The following TBL1XR1 variants were observed in gnomAD, a reference collection of about 807,000 sequenced individuals.
TBL1XR1 encodes the protein TBL1X/Y related 1, also known as F-box-like/WD repeat-containing protein TBL1XR1.
Under a neutral mutation model 66.9 loss-of-function variants are expected in TBL1XR1, and 5 were observed. The observed-to-expected ratio is 0.07, with a 90% CI of 0.04 to 0.16. The LOEUF is 0.16. Among genes scored for constraint, TBL1XR1 ranks in the 10% least tolerant of loss-of-function variants. TBL1XR1 has a pLI of 1.00. For synonymous variants in TBL1XR1, 210 were observed against 206.0 expected (o/e 1.02, Z -0.17); for missense variants, 238 against 623.2 (o/e 0.38, Z 6.58).
intron 1 of TBL1XR1, among the ~76,000 whole-genome samples, chr3:177,141,088 CTCAAAGCTT>C (rs1577291501): frequency 6.6e-6 from 1 of 152,270 alleles, no homozygotes; most frequent in East Asian, 1.9e-4. Context: ...CACTAATTTT[CTCAAAGCTT>C]TCAAATGAAA....
At chr3:177,147,501 T>C (rs1218451580) in intron 1 of TBL1XR1, among the ~76,000 whole-genome samples, 1 of 152,220 alleles carries the variant, frequency 6.6e-6, no homozygotes. Context: ...AAAGTACTTA[T>C]GATTATTAAA....
Position 177,020,565 on chromosome 3 carries a change from G to GT in TBL1XR1, c.*4932dup, listed in dbSNP as rs1483886244. On this transcript the variant is annotated 3_prime_UTR_variant, in exon 16 of 16. Transcript: ENST00000457928. ...CACCAGTATGGGAGAGAATGAATGT[G>GT]TTATAGGTTATGAAGGCTAACTTGG... 6.6e-6 allele frequency: 1 copy of GT among 152,060 alleles called. No homozygotes were observed. Among genetic ancestry groups the GT allele is most frequent in the African/African-American group, 2.4e-5 (1 of 41,410 alleles). The allele number at this position is 152,060 out of a possible 1,614,324, so 9.4% of individuals were successfully genotyped here.
chr3:177,165,295 T>G (rs1004119417), intron 1 of TBL1XR1, among the ~76,000 whole-genome samples: 1 of 152,144 alleles, frequency 6.6e-6, no homozygotes, highest in Non-Finnish European at 1.5e-5. Context: ...GGCACAAATC[T>G]AACAATATGG....
chr3:177,045,895 G>T (rs1320974502), intron 10 of TBL1XR1, among the ~76,000 whole-genome samples: 1 of 152,032 alleles, frequency 6.6e-6, no homozygotes, highest in Non-Finnish European at 1.5e-5. Flanking sequence ...ATTAAATAAT[G>T]CCACCTCTAA....
intron 1 of TBL1XR1, among the ~76,000 whole-genome samples, chr3:177,115,075 G>A (rs1726145278): frequency 6.6e-6 from 1 of 152,048 alleles, no homozygotes; most frequent in African/African-American, 2.4e-5. Flanking sequence ...TTGTCTTACT[G>A]CCACAGTGCC....
At chr3:177,164,004 G>A (rs529370765) in intron 1 of TBL1XR1, 13 of 152,258 alleles carry the variant, frequency 8.5e-5, no homozygotes, top group African/African-American at 3.1e-4. Flanking sequence ...ATACGTTCCT[G>A]AAAAGGAAAT....
intron 2 of TBL1XR1, among the ~76,000 whole-genome samples, chr3:177,071,179 C>T (rs1170969681): frequency 1.3e-5 from 2 of 151,814 alleles, no homozygotes; most frequent in South Asian, 4.2e-4. Flanking sequence ...TATAGGCACC[C>T]GCCACCGTGC....
intron 1 of TBL1XR1, among the ~76,000 whole-genome samples, chr3:177,191,375 A>C (rs923748213): frequency 6.6e-5 from 10 of 152,238 alleles, no homozygotes; most frequent in African/African-American, 2.4e-4. Flanking sequence ...TCATTCATTG[A>C]GAAGACAGAC....
chr3:177,186,948 C>A (rs982162675), intron 1 of TBL1XR1, among the ~76,000 whole-genome samples: 4 of 152,002 alleles, frequency 2.6e-5, no homozygotes, highest in Admixed American at 2.6e-4. Flanking sequence ...GGGCGGATCA[C>A]AAGGTCAGGA....
intron 2 of TBL1XR1, among the ~76,000 whole-genome samples, chr3:177,086,480 C>A (rs1394386118): frequency 1.3e-5 from 2 of 151,946 alleles, no homozygotes; most frequent in East Asian, 3.9e-4. Flanking sequence ...GTCTGTCTTA[C>A]ATACATACAT....
At chr3:177,196,605 T>C (rs762983203) in intron 1 of TBL1XR1, 1 of 150,502 alleles carries the variant, frequency 6.6e-6, no homozygotes, top group Non-Finnish European at 1.5e-5. Flanking sequence ...AGATTTCCAT[T>C]GCCGCCCGAG....
At chr3:177,193,082 G>A (rs915999827) in intron 1 of TBL1XR1, among the ~76,000 whole-genome samples, 4 of 151,938 alleles carry the variant, frequency 2.6e-5, no homozygotes, top group Admixed American at 6.6e-5. Context: ...GAACCCAGGA[G>A]GCGGAGGTTG....
intron 2 of TBL1XR1, among the ~76,000 whole-genome samples, chr3:177,093,103 T>C (rs761166022): frequency 9.2e-5 from 14 of 152,110 alleles, no homozygotes; most frequent in Non-Finnish European, 1.8e-4. Context: ...AAGTGATAAA[T>C]GAATTCAGCG....
intron 1 of TBL1XR1, among the ~76,000 whole-genome samples, chr3:177,130,092 C>G (rs1470962793): frequency 6.9e-6 from 1 of 143,990 alleles, no homozygotes; most frequent in Non-Finnish European, 1.5e-5. Context: ...TTGCAGTGAG[C>G]CGAGATCACG....
chr3:177,160,248 G>A (rs551261513), intron 1 of TBL1XR1, among the ~76,000 whole-genome samples: 94 of 152,188 alleles, frequency 6.2e-4, no homozygotes, highest in African/African-American at 2.0e-3. Context: ...CGTCATGGTA[G>A]TGCATCATGA....
chr3:177,034,082 G>GA (rs200642827), intron 13 of TBL1XR1, 116 bp downstream of exon 13: 119,040 of 911,516 alleles, frequency 0.13, 42 homozygotes, highest in Non-Finnish European at 0.14. Flanking sequence ...ACTGAAATTG[G>GA]AAAAAAAAAA....
rs564443822 is a variant in TBL1XR1 at position 177,061,890 on chromosome 3, G to T, written c.58+3030C>A. Among the ~76,000 whole-genome samples, 3 of 152,268 alleles carry T rather than the reference G, an allele frequency of 2.0e-5. No homozygotes were observed. The East Asian group carries it at 5.8e-4, about 29-fold the overall frequency. On this transcript the variant is annotated intron_variant, in intron 3 of 15. Coordinates refer to ENST00000457928, the MANE Select transcript of TBL1XR1 (RefSeq NM_024665.7). ...CTATTGCAAAAGTAGCCACATTTAA[G>T]TATAATTGGAGATCAGAACCAAAAA...
chr3:177,081,570 C>T (rs954851284), intron 2 of TBL1XR1, among the ~76,000 whole-genome samples: 5 of 151,758 alleles, frequency 3.3e-5, no homozygotes, highest in South Asian at 2.1e-4. Context: ...GGCAACATAA[C>T]AAGACCTAAT....
intron 1 of TBL1XR1, among the ~76,000 whole-genome samples, chr3:177,120,081 T>A (rs548819779): frequency 6.6e-6 from 1 of 152,274 alleles, no homozygotes; most frequent in East Asian, 1.9e-4. Context: ...CAAACATAAC[T>A]ATATAGAGCC....
Sources: allele counts gnomAD v4.1 joint callset (sites outside exome capture counted in the v4.1 genomes callset), GRCh38; gene constraint gnomAD v4.1.1; transcripts MANE v1.5; gene names NCBI Gene and HGNC (gene_info 2026-07-23, HGNC 2026-07-21).